NRG3: variants seen among roughly 807,000 people sequenced by gnomAD.
The protein encoded by NRG3 is pro-neuregulin-3, membrane-bound isoform.
In NRG3, 31 loss-of-function variants were observed where a neutral mutation model predicts 66.9. The observed-to-expected ratio is 0.46, with a 90% confidence interval of 0.35 to 0.63. The LOEUF (loss-of-function observed/expected upper bound fraction) is 0.63, where lower values mean the gene tolerates loss of function less well. Ranked by LOEUF, NRG3 falls within the 20% of genes least tolerant of loss-of-function variation. The pLI is 0.00. For missense variants in NRG3, 910 were observed against 878.9 expected (o/e 1.04, Z -0.45); for synonymous variants, 393 against 359.4 (o/e 1.09, Z -1.06).
At chr10:82,829,730 C>A (rs1591650893) in intron 3 of NRG3, among the ~76,000 whole-genome samples, 1 of 152,116 alleles carries the variant, frequency 6.6e-6, no homozygotes, top group Admixed American at 6.5e-5. Context: ...CCAGGTCATT[C>A]AGGTTTTTGT....
chr10:82,825,883 T>C (rs12413157), intron 3 of NRG3, among the ~76,000 whole-genome samples: 17,336 of 152,230 alleles, frequency 0.11, 1,082 homozygotes, highest in South Asian at 0.2. Context: ...ATATATTATA[T>C]GTTAATGTGC....
At chr10:82,310,070 C>G (rs1171697607) in intron 1 of NRG3, among the ~76,000 whole-genome samples, 1 of 152,128 alleles carries the variant, frequency 6.6e-6, no homozygotes, top group Non-Finnish European at 1.5e-5. Flanking sequence ...CCGTCATTCC[C>G]TTAACTGGTT....
At chr10:82,374,992 G>T (rs2085122605) in intron 2 of NRG3, among the ~76,000 whole-genome samples, 1 of 152,162 alleles carries the variant, frequency 6.6e-6, no homozygotes, top group African/African-American at 2.4e-5. Flanking sequence ...CATCCACGAT[G>T]GTTTTAAAAG....
intron 2 of NRG3, among the ~76,000 whole-genome samples, chr10:82,535,743 A>T (rs985152835): frequency 3.3e-5 from 5 of 152,210 alleles, no homozygotes; most frequent in Non-Finnish European, 7.3e-5. Context: ...CTTAAACATA[A>T]TTTGAGTGGA....
intron 2 of NRG3, among the ~76,000 whole-genome samples, chr10:82,374,322 A>G (rs2085073248): frequency 6.6e-6 from 1 of 152,166 alleles, no homozygotes. Context: ...CGCTTCCTCA[A>G]AGACGCCCAC....
At chr10:82,611,608 T>C (rs1204593237) in intron 2 of NRG3, among the ~76,000 whole-genome samples, 1 of 152,228 alleles carries the variant, frequency 6.6e-6, no homozygotes, top group African/African-American at 2.4e-5. Context: ...TCATCCTTTT[T>C]TATGGCTGCG....
chr10:82,609,368 T>C (rs933779288), intron 2 of NRG3, among the ~76,000 whole-genome samples: 37 of 152,334 alleles, frequency 2.4e-4, no homozygotes, highest in Non-Finnish European at 4.6e-4. Flanking sequence ...TGTAGCTTTA[T>C]TGAACTTAGC....
chr10:82,305,513 G>A (rs11193568), intron 1 of NRG3, among the ~76,000 whole-genome samples: 1 of 152,100 alleles, frequency 6.6e-6, no homozygotes, highest in African/African-American at 2.4e-5. Flanking sequence ...AAGTGATGGA[G>A]AGGTTTCCTT....
intron 3 of NRG3, among the ~76,000 whole-genome samples, chr10:82,767,163 T>C (rs2059547698): frequency 6.6e-6 from 1 of 151,970 alleles, no homozygotes; most frequent in Non-Finnish European, 1.5e-5. Flanking sequence ...GCAACTCTAT[T>C]AATTCTCTCC....
intron 1 of NRG3, among the ~76,000 whole-genome samples, chr10:82,008,046 G>T (rs2061440871): frequency 6.6e-6 from 1 of 151,978 alleles, no homozygotes; most frequent in Non-Finnish European, 1.5e-5. Context: ...AATTTGCCAG[G>T]CACAGCTGGT....
intron 2 of NRG3, among the ~76,000 whole-genome samples, chr10:82,468,745 A>G (rs1840936665): frequency 6.6e-6 from 1 of 152,168 alleles, no homozygotes; most frequent in Admixed American, 6.5e-5. Flanking sequence ...TATTGCATCT[A>G]ATGGAATCTT....
intron 1 of NRG3, among the ~76,000 whole-genome samples, chr10:81,902,795 T>C (rs905860007): frequency 2.0e-5 from 3 of 152,216 alleles, no homozygotes; most frequent in Non-Finnish European, 2.9e-5. Flanking sequence ...GGTTACAACC[T>C]CTGCCTCTCT....
chr10:82,540,060 C>T (rs1380852584), intron 2 of NRG3, among the ~76,000 whole-genome samples: 2 of 152,014 alleles, frequency 1.3e-5, no homozygotes, highest in Admixed American at 1.3e-4. Flanking sequence ...CAATTTTGCT[C>T]TAAGAAGACA....
chr10:82,093,170 C>A (rs2066133890), intron 1 of NRG3, among the ~76,000 whole-genome samples: 1 of 152,160 alleles, frequency 6.6e-6, no homozygotes, highest in African/African-American at 2.4e-5. Flanking sequence ...CTGTTATCAT[C>A]CTCATTATTC....
intron 1 of NRG3, among the ~76,000 whole-genome samples, chr10:82,145,003 C>T (rs949597173): frequency 2.0e-5 from 3 of 152,212 alleles, no homozygotes; most frequent in Admixed American, 6.5e-5. Flanking sequence ...AAAACTGCTT[C>T]CCTGTACACA....
intron 2 of NRG3, among the ~76,000 whole-genome samples, chr10:82,381,316 G>A (rs967936130): frequency 1.3e-5 from 2 of 152,062 alleles, no homozygotes; most frequent in African/African-American, 4.8e-5. Flanking sequence ...AATGGAAAAC[G>A]ACAACATTAC....
intron 1 of NRG3, among the ~76,000 whole-genome samples, chr10:81,952,157 G>C (rs1849422378): frequency 6.6e-6 from 1 of 152,088 alleles, no homozygotes; most frequent in Non-Finnish European, 1.5e-5. Context: ...CGAGTTACTG[G>C]GTGCAGCACA....
intron 2 of NRG3, among the ~76,000 whole-genome samples, chr10:82,493,309 C>T (rs1362900688): frequency 1.2e-4 from 18 of 151,978 alleles, no homozygotes; most frequent in Non-Finnish European, 2.4e-4. Context: ...GGCCCCAGTT[C>T]GTGTTGTTCC....
At chr10:81,962,048 A>AT (rs1200275815) in intron 1 of NRG3, among the ~76,000 whole-genome samples, 1 of 152,208 alleles carries the variant, frequency 6.6e-6, no homozygotes, top group East Asian at 1.9e-4. Flanking sequence ...GTAGGACCAA[A>AT]TAGTCAGTTT....
Sources: gnomAD v4.1 joint callset for allele counts (sites outside exome capture counted in the v4.1 genomes callset) on GRCh38, gnomAD v4.1.1 for gene constraint, MANE v1.5 for transcripts, NCBI Gene and HGNC (gene_info 2026-07-23, HGNC 2026-07-21) for gene names.